EPRS1: variants seen among roughly 807,000 people sequenced by gnomAD.
The protein encoded by EPRS1 is bifunctional glutamate/proline--tRNA ligase.
In EPRS1, 107 loss-of-function variants were observed where a neutral mutation model predicts 188.3. That is an observed-to-expected ratio of 0.57 (90% confidence interval 0.49 to 0.67). The LOEUF is 0.67. EPRS1 is among the 30% of genes least tolerant of loss of function. The pLI, the probability that EPRS1 is intolerant of heterozygous loss-of-function variation, is 0.00. For synonymous variants in EPRS1, 596 were observed against 593.1 expected, an observed-to-expected ratio of 1.00 and a Z score of -0.07; for missense variants, 1,577 against 1,802.2, an observed-to-expected ratio of 0.88 and a Z score of 2.26.
Position 219,969,829 on chromosome 1 carries a change from T to A in EPRS1, c.4324-707A>T, listed in dbSNP as rs183372258. On this transcript the variant is annotated intron_variant, in intron 30 of 31. Coordinates refer to ENST00000366923, the MANE Select transcript of EPRS1 (RefSeq NM_004446.3). ...AGACTAGACAAGCATTAAAAAAAAATTTTTTTTTTGAGACACAGTCTTACT... is the reference window on the plus strand; with the variant it reads ...AGACTAGACAAGCATTAAAAAAAAAATTTTTTTTTGAGACACAGTCTTACT... Among the ~76,000 whole-genome samples, 353 of 150,506 alleles carry A rather than the reference T, an allele frequency of 2.3e-3. 2 individuals are homozygous for A. The highest frequency in any genetic ancestry group is 7.4e-3 in the African/African-American group (304 of 40,942).
intron 16 of EPRS1, 124 bp from the exon 17 acceptor site, chr1:220,001,379 C>A: frequency 4.5e-6 from 3 of 668,548 alleles, no homozygotes; most frequent in Admixed American, 2.6e-5. Flanking sequence ...TTTTTTCTTT[C>A]CTTTTTGAGA....
chr1:220,035,555 G>T (rs1044290852), intron 2 of EPRS1, among the ~76,000 whole-genome samples: 1 of 152,198 alleles, frequency 6.6e-6, no homozygotes, highest in East Asian at 1.9e-4. Context: ...CTGGCCAAGT[G>T]TGGTGACTCA....
intron 13 of EPRS1, among the ~76,000 whole-genome samples, chr1:220,008,283 T>C (rs538134597): frequency 3.7e-4 from 57 of 152,226 alleles, no homozygotes; most frequent in African/African-American, 1.3e-3. Flanking sequence ...AAAGAAAGTA[T>C]TATCTATATA....
Position 220,014,277 on chromosome 1 carries a change from G to A in EPRS1, c.1495-3221C>T, listed in dbSNP as rs570930060. Among the ~76,000 whole-genome samples the A allele has an allele frequency of 5.3e-5, 8 of 151,778 alleles. No individual in the cohort carries two copies. In the South Asian group the frequency reaches 1.2e-3, roughly 24 times the overall value. On this transcript the variant is annotated intron_variant, in intron 12 of 31. Transcript: ENST00000366923. ...CAGGAGGCAGAGGTTGCAGTGAGCC[G>A]AGATCACGCCACTGCACGGTAGCCT...
At chr1:220,033,789 C>A (rs568426484) in intron 3 of EPRS1, 131 bp from the exon 4 acceptor site, 2 of 618,760 alleles carry the variant, frequency 3.2e-6, no homozygotes, top group South Asian at 4.3e-5. Flanking sequence ...TCAAATTATA[C>A]AATTTATCAT....
intron 9 of EPRS1, 84 bp from the exon 10 acceptor site, chr1:220,020,305 A>G: frequency 1.2e-6 from 1 of 845,048 alleles, no homozygotes; most frequent in Non-Finnish European, 1.8e-6. Flanking sequence ...TACTAATTTA[A>G]AATGTAATTC....
intron 18 of EPRS1, among the ~76,000 whole-genome samples, chr1:219,994,640 CTTTTTTTTTTTTTTT>C (rs71169424): frequency 3.2e-4 from 35 of 109,490 alleles, no homozygotes; most frequent in Non-Finnish European, 5.7e-4. Flanking sequence ...GTAACTTCTT[CTTTTTTTTTTTTTTT>C]TTTTTTTTTT....
chr1:220,002,274 A>G (rs925108969), intron 16 of EPRS1, among the ~76,000 whole-genome samples: 1 of 151,288 alleles, frequency 6.6e-6, no homozygotes, highest in Non-Finnish European at 1.5e-5. Context: ...GGAGATTGCA[A>G]TGAGCTGAGA....
In EPRS1 at chr1:219,997,435, C is replaced by T. The variant is rs1292443777; in HGVS notation, c.2182-93G>A. ...CAAACTGATTGTTTTATAATGTTTC[C>T]AATTAAAAACAGAAACTTTAAACTT... On this transcript the variant is annotated intron_variant, in intron 17 of 31. Transcript: ENST00000366923. 5.4e-6 allele frequency: 6 copies of T among 1,119,426 alleles called. No homozygotes were observed. The East Asian group carries it at 1.6e-4, about 29-fold the overall frequency. The allele number at this position is 1,119,426 out of a possible 1,614,324, so 69.3% of individuals were successfully genotyped here.
In EPRS1 at chr1:219,987,370, T is replaced by G; in HGVS notation, c.2810A>C (p.Gln937Pro). 6.2e-7 allele frequency: 1 copy of G among 1,611,096 alleles called. No individual in the cohort carries two copies. ...CAAAGACTTGTACTGTGCCTTTAGC[T>G]GAAGGAGTTCTTGAACAGCTATATC... ...QVDIAVQELL[Q>P]LKAQYKSLIG... The change falls in exon 20 of 32, where the codon CAG (glutamine) becomes CCG (proline). Residue 937 changes from glutamine (Q) to proline (P), a missense_variant. Gln to Pro is a moderately conservative substitution (Grantham distance 76, BLOSUM62 -1). Coordinates refer to ENST00000366923, the MANE Select transcript of EPRS1 (RefSeq NM_004446.3).
In EPRS1 at chr1:219,984,249, A is replaced by C; in HGVS notation, c.3047T>G (p.Leu1016Arg). The change falls in exon 21 of 32, where the codon CTT becomes CGT. Residue 1016 changes from leucine (L) to arginine (R), a missense_variant. This residue lies in a region of EPRS1 where 1,278 missense variants were observed against 1,457.4 expected (regional missense o/e 0.88). Transcript: ENST00000366923. ...AAGATTTTCTTCTTTTTTTGCCTCA[A>C]GACCCAACCTGCAGATGTGAAAAGT... ...QGPKKQTRLG[L>R]EAKKEENLAD... is the part of the protein sequence containing the mutation. 1.2e-6 allele frequency: 2 copies of C among 1,612,530 alleles called. No individual in the cohort carries two copies. The highest frequency in any genetic ancestry group is 1.3e-5 in the African/African-American group (1 of 75,006).
rs1662406578 is a variant in EPRS1 at position 220,046,486 on chromosome 1, C to T, written c.-98G>A. On this transcript the variant is annotated 5_prime_UTR_variant, in exon 1 of 32. Coordinates refer to ENST00000366923, the MANE Select transcript of EPRS1 (RefSeq NM_004446.3). ...AAGAAGATGCAACGTGTGCGCGTAC[C>T]CGACGCCGCCGCAGCCTTCGCTCCG... is the stretch of plus-strand genomic sequence containing the variant. 6.5e-7 allele frequency: 1 copy of T among 1,532,068 alleles called. No homozygotes were observed. The allele number at this position is 1,532,068 out of a possible 1,614,324, so 94.9% of individuals were successfully genotyped here.
At chr1:220,027,147 A>G (rs12142009) in intron 6 of EPRS1, among the ~76,000 whole-genome samples, 118,651 of 148,970 alleles carry the variant, frequency 0.8, 47,091 homozygotes, top group East Asian at 0.92. Flanking sequence ...AAAATTGGCC[A>G]GGCACGGTGG....
intron 2 of EPRS1, among the ~76,000 whole-genome samples, chr1:220,035,472 G>GT (rs1446180312): frequency 6.6e-6 from 1 of 152,142 alleles, no homozygotes; most frequent in East Asian, 1.9e-4. Context: ...TTCTTTACAT[G>GT]TCTATTCAGA....
rs186225592 is a variant in EPRS1 at position 220,041,566 on chromosome 1, C to T, written c.47-1297G>A. ...ATTTGATTAAGATAGACAGGCCAGGCGCAGTGGTTCACGCCTATAATCCCA... is the reference window on the plus strand; with the variant it reads ...ATTTGATTAAGATAGACAGGCCAGGTGCAGTGGTTCACGCCTATAATCCCA... On this transcript the variant is annotated intron_variant, in intron 1 of 31. Transcript: ENST00000366923. Among the ~76,000 whole-genome samples, 652 of 152,084 alleles carry T rather than the reference C, an allele frequency of 4.3e-3. 2 individuals carry two copies. The highest frequency in any genetic ancestry group is 0.014 in the Middle Eastern group (4 of 294).
Position 220,032,518 on chromosome 1 carries a change from C to A in EPRS1, c.397G>T (p.Ala133Ser). The A allele has an allele frequency of 2.5e-6, 4 of 1,612,672 alleles. No individual in the cohort carries two copies. Among genetic ancestry groups the A allele is most frequent in the Non-Finnish European group, 3.4e-6 (4 of 1,179,670 alleles). The change falls in exon 5 of 32, where the codon GCC becomes TCC. Residue 133 changes from alanine (A) to serine (S), a missense_variant. By Grantham distance (99) the Ala-to-Ser change is moderately conservative. Coordinates refer to ENST00000366923, the MANE Select transcript of EPRS1 (RefSeq NM_004446.3). The stretch of plus-strand genomic sequence containing the variant: ...TTCTGTTTCAACTGTTCTTGCCAGG[C>A]AGCATTTCCTATGAGCAAAGATAAT... ...CVWATLKGNA[A>S]WQEQLKQKKA...
At chr1:219,994,558 G>GACA (rs905908552) in intron 18 of EPRS1, among the ~76,000 whole-genome samples, 6 of 149,020 alleles carry the variant, frequency 4.0e-5, no homozygotes, top group Non-Finnish European at 5.9e-5. Flanking sequence ...AAAAAATGAA[G>GACA]ACAACAACAA....
At chr1:220,039,520 ATT>A (rs11414713) in intron 2 of EPRS1, among the ~76,000 whole-genome samples, 129 of 138,608 alleles carry the variant, frequency 9.3e-4, no homozygotes, top group Admixed American at 1.1e-3. Flanking sequence ...TTTAATGCTG[ATT>A]TTTTTTTTTT....
intron 18 of EPRS1, among the ~76,000 whole-genome samples, chr1:219,995,454 A>C (rs1661212959): frequency 6.6e-6 from 1 of 152,228 alleles, no homozygotes; most frequent in African/African-American, 2.4e-5. Flanking sequence ...AAAGGAGTAC[A>C]TATTTAGTGT....
Sources: allele counts gnomAD v4.1 joint callset (sites outside exome capture counted in the v4.1 genomes callset), GRCh38; gene constraint gnomAD v4.1.1; regional missense constraint gnomAD v4.1.1; transcripts MANE v1.5; gene names NCBI Gene and HGNC (gene_info 2026-07-23, HGNC 2026-07-21).